ATG10: variants seen among roughly 807,000 people sequenced by gnomAD.
The protein encoded by ATG10 is autophagy related 10.
A neutral mutation model predicts 32.1 loss-of-function variants in ATG10; 30 were observed. The observed-to-expected ratio is 0.94, with a 90% CI of 0.70 to 1.27. The LOEUF is 1.27. Among genes scored for constraint, ATG10 ranks in the 50% most tolerant of loss-of-function variants. ATG10 has a pLI of 0.00. For missense variants in ATG10, 233 were observed against 262.3 expected, an observed-to-expected ratio of 0.89 and a Z score of 0.77; for synonymous variants, 87 against 91.5, an observed-to-expected ratio of 0.95 and a Z score of 0.28.
intron 2 of ATG10, among the ~76,000 whole-genome samples, chr5:82,015,590 C>T (rs1160605204): frequency 2.6e-5 from 4 of 152,214 alleles, no homozygotes; most frequent in African/African-American, 9.6e-5. Flanking sequence ...TCTTCCATCA[C>T]TGATACCCTT....
At chr5:82,197,764 A>ATCTATCTG (rs1554056731) in intron 5 of ATG10, among the ~76,000 whole-genome samples, 8 of 147,122 alleles carry the variant, frequency 5.4e-5, no homozygotes, top group Admixed American at 4.7e-4. Flanking sequence ...CTATCTATCT[A>ATCTATCTG]TCTATCTATC....
At chr5:82,197,255 T>C (rs1561352195) in intron 5 of ATG10, among the ~76,000 whole-genome samples, 2 of 152,212 alleles carry the variant, frequency 1.3e-5, no homozygotes, top group Admixed American at 1.3e-4. Flanking sequence ...TCCTGTAACC[T>C]TGCTGAACTC....
intron 5 of ATG10, among the ~76,000 whole-genome samples, chr5:82,248,261 C>T (rs1747111465): frequency 6.6e-6 from 1 of 152,214 alleles, no homozygotes; most frequent in Admixed American, 6.5e-5. Flanking sequence ...GGGACTGCAA[C>T]CTCTGGCTAG....
chr5:82,046,661 A>C (rs1046373610), intron 2 of ATG10, among the ~76,000 whole-genome samples: 1 of 152,156 alleles, frequency 6.6e-6, no homozygotes, highest in Non-Finnish European at 1.5e-5. Context: ...TTTTCTGAGG[A>C]GTTAAACTGC....
At chr5:82,225,353 C>T (rs2149998237) in intron 5 of ATG10, among the ~76,000 whole-genome samples, 1 of 152,284 alleles carries the variant, frequency 6.6e-6, no homozygotes, top group South Asian at 2.1e-4. Context: ...GGGGAATGCA[C>T]ATATTTGCTT....
At chr5:82,204,592 G>A (rs1415985429) in intron 5 of ATG10, among the ~76,000 whole-genome samples, 1 of 152,170 alleles carries the variant, frequency 6.6e-6, no homozygotes, top group East Asian at 1.9e-4. Flanking sequence ...AGCAGGACTG[G>A]AAGCAAGGAG....
chr5:82,176,832 A>G (rs1744048681), intron 4 of ATG10, among the ~76,000 whole-genome samples: 1 of 152,186 alleles, frequency 6.6e-6, no homozygotes, highest in Non-Finnish European at 1.5e-5. Flanking sequence ...ATTTATCACA[A>G]GATAATGGTC....
chr5:82,239,067 C>A (rs1227070970), intron 5 of ATG10, among the ~76,000 whole-genome samples: 1 of 152,088 alleles, frequency 6.6e-6, no homozygotes, highest in Admixed American at 6.5e-5. Context: ...CTCCTCAAAT[C>A]CTCTCCTTCG....
intron 3 of ATG10, among the ~76,000 whole-genome samples, chr5:82,099,125 C>T (rs1395589789): frequency 6.6e-6 from 1 of 152,020 alleles, no homozygotes; most frequent in Non-Finnish European, 1.5e-5. Flanking sequence ...TCAGATTATT[C>T]ATTGTAAAAG....
chr5:82,057,860 A>G (rs1763651987), intron 2 of ATG10, among the ~76,000 whole-genome samples: 1 of 152,154 alleles, frequency 6.6e-6, no homozygotes, highest in African/African-American at 2.4e-5. Flanking sequence ...AGCGCTTGGA[A>G]GAACAGCTGT....
At chr5:82,004,316 T>A (rs192308139) in intron 2 of ATG10, among the ~76,000 whole-genome samples, 7 of 152,288 alleles carry the variant, frequency 4.6e-5, no homozygotes, top group Admixed American at 2.0e-4. Flanking sequence ...TTACTAAAAA[T>A]GGGGGAACCA....
chr5:82,040,830 G>A (rs1418288915), intron 2 of ATG10, among the ~76,000 whole-genome samples: 3 of 152,078 alleles, frequency 2.0e-5, no homozygotes, highest in Non-Finnish European at 2.9e-5. Context: ...CCTTGTCATG[G>A]CCAACAAGTC....
intron 2 of ATG10, among the ~76,000 whole-genome samples, chr5:82,044,885 CAAA>C (rs1445581437): frequency 6.6e-6 from 1 of 152,202 alleles, no homozygotes; most frequent in Non-Finnish European, 1.5e-5. Context: ...GAAAGACTCA[CAAA>C]AGGCTCCTCT....
intron 2 of ATG10, among the ~76,000 whole-genome samples, chr5:82,007,609 C>T (rs1359786082): frequency 6.6e-6 from 1 of 152,008 alleles, no homozygotes; most frequent in Non-Finnish European, 1.5e-5. Context: ...TATACCACCA[C>T]AGTTGGCTAA....
chr5:82,017,134 A>G (rs1762310282), intron 2 of ATG10, among the ~76,000 whole-genome samples: 2 of 149,638 alleles, frequency 1.3e-5, no homozygotes, highest in Admixed American at 1.3e-4. Context: ...TTGGTTAAGC[A>G]TATTCCTAAG....
intron 3 of ATG10, among the ~76,000 whole-genome samples, chr5:82,100,772 GT>G (rs61096885): frequency 0.12 from 13,739 of 113,668 alleles, 496 homozygotes; most frequent in African/African-American, 0.21. Flanking sequence ...ACAAGAACTA[GT>G]TTTTTTTTTT....
At chr5:82,074,313 G>A (rs954918400) in intron 3 of ATG10, among the ~76,000 whole-genome samples, 4 of 152,124 alleles carry the variant, frequency 2.6e-5, no homozygotes, top group Non-Finnish European at 5.9e-5. Flanking sequence ...ATCTCACAAT[G>A]TGAAAACTTG....
chr5:82,108,647 T>C (rs565212844), intron 3 of ATG10, among the ~76,000 whole-genome samples: 1 of 152,206 alleles, frequency 6.6e-6, no homozygotes, highest in South Asian at 2.1e-4. Context: ...AAGCCTGATA[T>C]TCTTTTTATC....
chr5:82,229,976 C>A (rs181352073), intron 5 of ATG10, among the ~76,000 whole-genome samples: 1 of 152,232 alleles, frequency 6.6e-6, no homozygotes, highest in Non-Finnish European at 1.5e-5. Flanking sequence ...AGTTACTGAT[C>A]CCTGCACTGG....
Sources: gnomAD v4.1 joint callset for allele counts (sites outside exome capture counted in the v4.1 genomes callset) on GRCh38, gnomAD v4.1.1 for gene constraint, MANE v1.5 for transcripts, NCBI Gene and HGNC (gene_info 2026-07-23, HGNC 2026-07-21) for gene names.